The following PTPN22 variants were observed in gnomAD, a reference collection of about 807,000 sequenced individuals.
The protein encoded by PTPN22 is tyrosine-protein phosphatase non-receptor type 22.
Under a neutral mutation model 103.3 loss-of-function variants are expected in PTPN22, and 85 were observed. The ratio of observed to expected loss-of-function variants is 0.82; its 90% CI spans 0.69 to 0.99. The LOEUF (loss-of-function observed/expected upper bound fraction) is 0.99. Ranked by LOEUF, PTPN22 falls within the 50% of genes least tolerant of loss-of-function variation. The pLI is 0.00. For missense variants in PTPN22, 865 were observed against 936.9 expected (o/e 0.92, Z 1.00); for synonymous variants, 323 against 310.2 (o/e 1.04, Z -0.43).
intron 10 of PTPN22, among the ~76,000 whole-genome samples, chr1:113,849,457 G>C (rs951405910): frequency 1.3e-5 from 2 of 151,132 alleles, no homozygotes; most frequent in African/African-American, 4.8e-5. Context: ...GCCTATTCAG[G>C]GTTTTCCCTG....
At position 113,846,448 on chromosome 1, in the gene PTPN22, C is replaced by T. The variant is rs571114947; in HGVS notation, c.915+2092G>A. 2.6e-5 allele frequency among the ~76,000 whole-genome samples: 4 copies of T among 152,186 alleles called. No individual in the cohort carries two copies. The South Asian group carries it at 8.3e-4, about 31-fold the overall frequency. On this transcript the variant is annotated intron_variant, in intron 11 of 20. Transcript: ENST00000359785. ...CCTGTTATAATCATTTAAAATATTT[C>T]CTTTAATACATTTAGAACAACATCA... is the stretch of plus-strand genomic sequence containing the variant.
chr1:113,819,745 A>G, intron 19 of PTPN22, 91 bp from the exon 20 acceptor site: 1 of 722,672 alleles, frequency 1.4e-6, no homozygotes, highest in Non-Finnish European at 2.1e-6. Flanking sequence ...AAGAGTAATT[A>G]ATAATCCCAA....
chr1:113,834,962 G>A (rs1339622150), exon 14 of PTPN22: 2 of 1,571,396 alleles, frequency 1.3e-6, no homozygotes, highest in Non-Finnish European at 1.7e-6. Flanking sequence ...GAAGTGGAGG[G>A]GGGATTTCAT....
chr1:113,864,392 G>GAAAA, intron 1 of PTPN22: 1 of 110,788 alleles, frequency 9.0e-6, no homozygotes, highest in Non-Finnish European at 1.8e-5. Context: ...CCTGTCTCCA[G>GAAAA]AAAAAAAAAA....
intron 17 of PTPN22, 117 bp from the exon 18 acceptor site, chr1:113,829,824 G>T: frequency 8.4e-7 from 1 of 1,196,480 alleles, no homozygotes; most frequent in South Asian, 1.3e-5. Flanking sequence ...TATATATTAG[G>T]GGCTTTTAAA....
chr1:113,863,829 T>C (rs2488458), intron 1 of PTPN22, among the ~76,000 whole-genome samples: 108,777 of 150,950 alleles, frequency 0.72, 39,666 homozygotes, highest in South Asian at 0.77. Flanking sequence ...TAGTTTAAAC[T>C]GTTAGCACCT....
At chr1:113,833,088 C>A in intron 16 of PTPN22, 23 bp downstream of exon 16, 6 of 1,556,794 alleles carry the variant, frequency 3.9e-6, no homozygotes, top group Non-Finnish European at 4.4e-6. Context: ...TAAATGTCAT[C>A]TAAAGCCAAG....
intron 1 of PTPN22, among the ~76,000 whole-genome samples, chr1:113,863,160 T>C (rs1376988928): frequency 2.0e-5 from 3 of 152,188 alleles, no homozygotes; most frequent in Non-Finnish European, 4.4e-5. Context: ...TGGCGCAATC[T>C]TGGCTCACTG....
chr1:113,818,913 A>T (rs1661368855), intron 20 of PTPN22, among the ~76,000 whole-genome samples: 1 of 151,878 alleles, frequency 6.6e-6, no homozygotes, highest in Non-Finnish European at 1.5e-5. Flanking sequence ...ATTAAGTGGC[A>T]GTTCTCAAAG....
exon 13 of PTPN22, chr1:113,837,784 G>A (rs777532503): frequency 6.8e-6 from 11 of 1,613,730 alleles, no homozygotes; most frequent in Non-Finnish European, 9.3e-6. Context: ...TGGAGGCCAT[G>A]ATGAAAAATA....
chr1:113,837,664 T>C (rs560226215), exon 13 of PTPN22: 1 of 1,605,158 alleles, frequency 6.2e-7, no homozygotes, highest in African/African-American at 1.3e-5. Flanking sequence ...ATCATGTGAA[T>C]TGTAATAAGA....
At chr1:113,839,493 C>A (rs978540846) in intron 11 of PTPN22, among the ~76,000 whole-genome samples, 1 of 151,704 alleles carries the variant, frequency 6.6e-6, no homozygotes, top group Admixed American at 6.6e-5. Context: ...GGGTTCAAGT[C>A]CTCCTCTCAC....
intron 19 of PTPN22, chr1:113,823,282 A>G (rs1661775079): frequency 6.6e-6 from 1 of 152,210 alleles, no homozygotes; most frequent in Non-Finnish European, 1.5e-5. Flanking sequence ...CTTAGATACT[A>G]GCTTAAAATA....
chr1:113,839,061 A>C (rs972514993), intron 11 of PTPN22, among the ~76,000 whole-genome samples: 1 of 152,098 alleles, frequency 6.6e-6, no homozygotes, highest in African/African-American at 2.4e-5. Context: ...TAGCATGCCA[A>C]ACTTATTTCC....
chr1:113,851,897 A>G (rs772797230), intron 10 of PTPN22, 130 bp downstream of exon 10: 24 of 511,192 alleles, frequency 4.7e-5, no homozygotes, highest in Middle Eastern at 2.9e-4. Flanking sequence ...GAAAATGGCA[A>G]TGGACTCTAG....
intron 11 of PTPN22, among the ~76,000 whole-genome samples, chr1:113,839,197 C>G (rs1663294296): frequency 6.6e-6 from 1 of 152,130 alleles, no homozygotes. Flanking sequence ...GAAACCTTCC[C>G]TGACCACCCA....
intron 14 of PTPN22, 137 bp downstream of exon 14, chr1:113,834,773 C>T: frequency 1.3e-6 from 1 of 779,388 alleles, no homozygotes. Context: ...GTTGCGCAGG[C>T]TAGTCTTGAA....
exon 21 of PTPN22, chr1:113,814,726 T>C (rs1464026330): frequency 5.2e-6 from 3 of 581,968 alleles, no homozygotes; most frequent in Non-Finnish European, 8.9e-6. Flanking sequence ...GCAAATGATA[T>C]GAAAATGCAA....
At chr1:113,840,128 T>C (rs1314686264) in intron 11 of PTPN22, among the ~76,000 whole-genome samples, 1 of 151,800 alleles carries the variant, frequency 6.6e-6, no homozygotes, top group East Asian at 1.9e-4. Context: ...GGAGACTTGC[T>C]TGAGCCCAGG....
Sources: allele counts gnomAD v4.1 joint callset (sites outside exome capture counted in the v4.1 genomes callset), GRCh38; gene constraint gnomAD v4.1.1; transcripts MANE v1.5; gene names NCBI Gene and HGNC (gene_info 2026-07-23, HGNC 2026-07-21).